Variants in SHISA9 observed in about 807,000 individuals in gnomAD.
The protein encoded by SHISA9 is protein shisa-9.
In SHISA9, 13 loss-of-function variants were observed where a neutral mutation model predicts 38.0. That is an observed-to-expected ratio of 0.34 (90% CI 0.22 to 0.54). The LOEUF (loss-of-function observed/expected upper bound fraction) is 0.54, where lower values mean the gene tolerates loss of function less well. SHISA9 is among the 20% of genes least tolerant of loss of function. The pLI, the probability that SHISA9 is intolerant of heterozygous loss-of-function variation, is 0.91. For missense variants in SHISA9, 538 were observed against 575.8 expected, an observed-to-expected ratio of 0.93 and a Z score of 0.67; for synonymous variants, 275 against 242.0, an observed-to-expected ratio of 1.14 and a Z score of -1.27.
At chr16:13,142,355 A>G (rs1303876941) in intron 2 of SHISA9, among the ~76,000 whole-genome samples, 1 of 152,200 alleles carries the variant, frequency 6.6e-6, no homozygotes, top group Admixed American at 6.5e-5. Context: ...TCCCCGAACT[A>G]TATTGCCTGA....
chr16:13,391,306 G>C, the SHISA9 span, among the ~76,000 whole-genome samples: 1 of 152,190 alleles, frequency 6.6e-6, no homozygotes, highest in Admixed American at 6.5e-5. Flanking sequence ...CTGTGCTGCT[G>C]TAGGCCTCAG....
At chr16:13,295,173 T>G in the SHISA9 span, among the ~76,000 whole-genome samples, 1 of 152,310 alleles carries the variant, frequency 6.6e-6, no homozygotes, top group South Asian at 2.1e-4. Flanking sequence ...TGCAGACTTT[T>G]GCATTGAACC....
chr16:13,431,440 C>T, the SHISA9 span, among the ~76,000 whole-genome samples: 1 of 152,204 alleles, frequency 6.6e-6, no homozygotes, highest in East Asian at 1.9e-4. Context: ...TGCTTTCTTG[C>T]TTATATTTTT....
At chr16:13,106,966 TTCTCTCTCTCTCTCTC>T (rs56109043) in intron 2 of SHISA9, among the ~76,000 whole-genome samples, 17 of 145,316 alleles carry the variant, frequency 1.2e-4, no homozygotes, top group Middle Eastern at 3.4e-3. Context: ...CTTTCTCACG[TTCTCTCTCTCTCTCTC>T]TCTCTCTCTC....
At chr16:13,270,243 G>A in the SHISA9 span, among the ~76,000 whole-genome samples, 1 of 152,132 alleles carries the variant, frequency 6.6e-6, no homozygotes, top group African/African-American at 2.4e-5. Flanking sequence ...TAGGACTTTG[G>A]AGCATTGGGC....
chr16:13,286,037 A>G, the SHISA9 span, among the ~76,000 whole-genome samples: 4 of 152,178 alleles, frequency 2.6e-5, no homozygotes, highest in Non-Finnish European at 5.9e-5. Context: ...CACTGGGATA[A>G]ATGCATATTT....
chr16:13,328,507 G>A, the SHISA9 span, among the ~76,000 whole-genome samples: 3 of 150,122 alleles, frequency 2.0e-5, no homozygotes, highest in Non-Finnish European at 4.4e-5. Context: ...CTGCCTCCCA[G>A]GTTCAAATGA....
chr16:13,282,650 C>T, the SHISA9 span, among the ~76,000 whole-genome samples: 1 of 152,086 alleles, frequency 6.6e-6, no homozygotes, highest in East Asian at 1.9e-4. Flanking sequence ...TGATATTGTC[C>T]CACAGGATCC....
chr16:13,499,149 A>T, the SHISA9 span, among the ~76,000 whole-genome samples: 2 of 152,164 alleles, frequency 1.3e-5, no homozygotes, highest in Non-Finnish European at 2.9e-5. Context: ...GTAGAAACCA[A>T]TCAGTAACCA....
At chr16:12,953,370 C>G (rs2071785656) in intron 2 of SHISA9, among the ~76,000 whole-genome samples, 1 of 152,112 alleles carries the variant, frequency 6.6e-6, no homozygotes, top group African/African-American at 2.4e-5. Flanking sequence ...TATGATGAGC[C>G]CATTTGGTAG....
At chr16:12,909,761 T>C (rs937724871) in intron 1 of SHISA9, 9 of 202,868 alleles carry the variant, frequency 4.4e-5, no homozygotes, top group Admixed American at 2.6e-4. Context: ...TACATTATGG[T>C]CTAAAATTAA....
chr16:13,105,924 T>C (rs973850966), intron 2 of SHISA9, among the ~76,000 whole-genome samples: 1 of 152,200 alleles, frequency 6.6e-6, no homozygotes, highest in Non-Finnish European at 1.5e-5. Flanking sequence ...GCTTCTATCA[T>C]AGACACACTT....
At chr16:13,477,008 A>C in the SHISA9 span, among the ~76,000 whole-genome samples, 1 of 151,690 alleles carries the variant, frequency 6.6e-6, no homozygotes, top group East Asian at 1.9e-4. Flanking sequence ...GGCCTCCCAA[A>C]CTTGGGATTA....
the SHISA9 span, among the ~76,000 whole-genome samples, chr16:13,257,825 T>G: frequency 1.3e-5 from 2 of 152,128 alleles, no homozygotes; most frequent in Non-Finnish European, 2.9e-5. Context: ...TGAAATCTGC[T>G]CATTATGTGC....
At chr16:13,166,675 C>T (rs1452298986) in intron 2 of SHISA9, among the ~76,000 whole-genome samples, 1 of 152,102 alleles carries the variant, frequency 6.6e-6, no homozygotes, top group South Asian at 2.1e-4. Flanking sequence ...CTAATGCCTC[C>T]CCCAAATGCT....
chr16:13,070,747 G>C lies in SHISA9; in HGVS notation c.692-132647G>C, dbSNP rs560939166. 3.9e-5 allele frequency among the ~76,000 whole-genome samples: 6 copies of C among 152,304 alleles called. No individual in the cohort carries two copies. The East Asian group carries it at 5.8e-4, about 15-fold the overall frequency. ...ATGCAGTTGGTGTTATCTTTCTCCA[G>C]GTTTTACAGATTGGGAGAGGGAGAC... On this transcript the variant is annotated intron_variant, in intron 2 of 4. Coordinates refer to ENST00000558583, the MANE Select transcript of SHISA9 (RefSeq NM_001145204.3).
intron 2 of SHISA9, among the ~76,000 whole-genome samples, chr16:13,185,962 G>A (rs1360133741): frequency 6.6e-6 from 1 of 152,110 alleles, no homozygotes; most frequent in Admixed American, 6.5e-5. Flanking sequence ...GAGCACTTCC[G>A]CATGCCAAGC....
chr16:13,477,432 A>G, the SHISA9 span, among the ~76,000 whole-genome samples: 11 of 152,350 alleles, frequency 7.2e-5, no homozygotes, highest in Admixed American at 5.9e-4. Flanking sequence ...AGCAATCCAT[A>G]TAAAATCACA....
At chr16:13,100,995 C>T (rs1325877586) in intron 2 of SHISA9, among the ~76,000 whole-genome samples, 3 of 152,214 alleles carry the variant, frequency 2.0e-5, no homozygotes, top group African/African-American at 7.2e-5. Flanking sequence ...TGTGCTCACC[C>T]CGAGTTTGGC....
Sources: gnomAD v4.1 joint callset for allele counts (sites outside exome capture counted in the v4.1 genomes callset) on GRCh38, gnomAD v4.1.1 for gene constraint, MANE v1.5 for transcripts, NCBI Gene and HGNC (gene_info 2026-07-23, HGNC 2026-07-21) for gene names.